NAPEPLD: variants seen among roughly 807,000 people sequenced by gnomAD.
The protein encoded by NAPEPLD is N-acyl phosphatidylethanolamine phospholipase D.
In NAPEPLD, 23 loss-of-function variants were observed where a neutral mutation model predicts 38.1. The observed-to-expected ratio is 0.60, with a 90% confidence interval of 0.43 to 0.86. NAPEPLD has a LOEUF of 0.86. Among genes scored for constraint, NAPEPLD ranks in the 40% least tolerant of loss-of-function variants. The pLI is 0.00. For synonymous variants in NAPEPLD, 147 were observed against 162.0 expected (o/e 0.91, Z 0.71); for missense variants, 411 against 476.8 (o/e 0.86, Z 1.28).
At chr7:103,110,899 A>C (rs1300078657) in intron 4 of NAPEPLD, among the ~76,000 whole-genome samples, 1 of 22,694 alleles carries the variant, frequency 4.4e-5, no homozygotes, top group Non-Finnish European at 3.8e-3. Flanking sequence ...TACAAAAATC[A>C]ATGTATCACA....
chr7:103,142,078 C>G, intron 1 of NAPEPLD: 1 of 581,936 alleles, frequency 1.7e-6, no homozygotes, highest in Non-Finnish European at 3.0e-6. Context: ...TTCTGATATA[C>G]AGGCAGGGTT....
chr7:103,122,611 T>A (rs1186834813), intron 2 of NAPEPLD, among the ~76,000 whole-genome samples: 3 of 152,140 alleles, frequency 2.0e-5, no homozygotes, highest in African/African-American at 7.2e-5. Flanking sequence ...ACAGGTGTAA[T>A]AATTGTACCT....
At chr7:103,106,757 G>A (rs550945985) in intron 4 of NAPEPLD, among the ~76,000 whole-genome samples, 1 of 151,948 alleles carries the variant, frequency 6.6e-6, no homozygotes, top group South Asian at 2.1e-4. Context: ...CCCAGTCAGG[G>A]GCTTATAAAT....
At chr7:103,113,428 G>C (rs940119955) in intron 4 of NAPEPLD, among the ~76,000 whole-genome samples, 2 of 152,070 alleles carry the variant, frequency 1.3e-5, no homozygotes, top group African/African-American at 4.8e-5. Context: ...GGTAATTTTG[G>C]AACACACTGC....
chr7:103,113,897 C>T (rs1805060037), intron 4 of NAPEPLD, among the ~76,000 whole-genome samples: 1 of 151,338 alleles, frequency 6.6e-6, no homozygotes, highest in Admixed American at 6.6e-5. Flanking sequence ...GCTGGGATTA[C>T]AGGTGTGAGC....
At chr7:103,146,611 A>T (rs1406695671) in intron 1 of NAPEPLD, among the ~76,000 whole-genome samples, 1 of 152,142 alleles carries the variant, frequency 6.6e-6, no homozygotes, top group Non-Finnish European at 1.5e-5. Context: ...CAAGATTTTG[A>T]ATTATGCTGA....
At chr7:103,128,452 A>C in intron 2 of NAPEPLD, 31 bp downstream of exon 2, 4 of 1,609,872 alleles carry the variant, frequency 2.5e-6, no homozygotes, top group Non-Finnish European at 3.4e-6. Flanking sequence ...TGAAGAGCAA[A>C]TATAAAGCAC....
At chr7:103,117,875 T>C (rs1805874980) in intron 3 of NAPEPLD, among the ~76,000 whole-genome samples, 1 of 152,194 alleles carries the variant, frequency 6.6e-6, no homozygotes, top group African/African-American at 2.4e-5. Flanking sequence ...ATAAAAGATG[T>C]TCTAATCTAT....
chr7:103,138,622 C>T (rs894165359), intron 1 of NAPEPLD, among the ~76,000 whole-genome samples: 1 of 152,104 alleles, frequency 6.6e-6, no homozygotes, highest in African/African-American at 2.4e-5. Flanking sequence ...GCACGCACCA[C>T]CACACCCAGC....
At chr7:103,123,127 TC>T (rs1445832300) in intron 2 of NAPEPLD, among the ~76,000 whole-genome samples, 2 of 151,984 alleles carry the variant, frequency 1.3e-5, no homozygotes, top group African/African-American at 4.8e-5. Context: ...TAAATTATCT[TC>T]CCCCTTATCC....
chr7:103,146,828 AG>A (rs1028136912), intron 1 of NAPEPLD, among the ~76,000 whole-genome samples: 6 of 152,124 alleles, frequency 3.9e-5, no homozygotes, highest in Non-Finnish European at 7.4e-5. Context: ...TGCTGAGCTA[AG>A]GTTCCTTGGC....
intron 1 of NAPEPLD, among the ~76,000 whole-genome samples, chr7:103,135,643 T>A (rs746109865): frequency 4.6e-5 from 7 of 152,178 alleles, no homozygotes; most frequent in African/African-American, 7.2e-5. Context: ...AGAAGCTTAA[T>A]ATACAGGATC....
chr7:103,149,027 G>A lies in NAPEPLD; in HGVS notation c.-233C>T, dbSNP rs553450969. 2.0e-6 allele frequency: 2 copies of A among 985,394 alleles called. No individual in the cohort carries two copies. Among genetic ancestry groups the A allele is most frequent in the East Asian group, 1.1e-4 (1 of 8,804 alleles). The allele number at this position is 985,394 out of a possible 1,614,324, so 61.0% of individuals were successfully genotyped here. On this transcript the variant is annotated 5_prime_UTR_variant, in exon 1 of 5. Transcript: ENST00000465647. The stretch of plus-strand genomic sequence containing the variant: ...GCATCTCCGAGATGAGGGAGGGCTC[G>A]GGGACGGGAAACCCACTCTCAGCCC...
At chr7:103,149,304 C>T, upstream of NAPEPLD, 4 of 1,080,688 alleles carry the variant, frequency 3.7e-6, no homozygotes, top group Non-Finnish European at 4.5e-6. Context: ...GCCGGGAGCG[C>T]GCGCCGCCTC....
At chr7:103,141,969 G>C in intron 1 of NAPEPLD, 1 of 767,048 alleles carries the variant, frequency 1.3e-6, no homozygotes. Context: ...AAAGGAAAGA[G>C]CTCCCCTGTG....
intron 1 of NAPEPLD, among the ~76,000 whole-genome samples, chr7:103,142,217 C>T (rs1253937081): frequency 6.6e-6 from 1 of 152,196 alleles, no homozygotes; most frequent in Non-Finnish European, 1.5e-5. Flanking sequence ...AAAGCCAACT[C>T]TTACTTCCTG....
At chr7:103,111,672 G>T (rs2129527479) in intron 4 of NAPEPLD, among the ~76,000 whole-genome samples, 1 of 152,242 alleles carries the variant, frequency 6.6e-6, no homozygotes, top group African/African-American at 2.4e-5. Flanking sequence ...AGAAAACCCA[G>T]GCAATACCAT....
intron 1 of NAPEPLD, among the ~76,000 whole-genome samples, chr7:103,144,296 GT>G (rs1253866941): frequency 6.6e-6 from 1 of 151,982 alleles, no homozygotes; most frequent in East Asian, 1.9e-4. Context: ...CTTTTGTTTT[GT>G]TTTTTTGGCT....
chr7:103,149,132 A>T (rs989705182), upstream of NAPEPLD: 2 of 987,304 alleles, frequency 2.0e-6, no homozygotes, highest in Non-Finnish European at 2.4e-6. Flanking sequence ...TGGAGGAGGC[A>T]GCAGAGAGGT....
Sources: allele counts gnomAD v4.1 joint callset (sites outside exome capture counted in the v4.1 genomes callset), GRCh38; gene constraint gnomAD v4.1.1; transcripts MANE v1.5; gene names NCBI Gene and HGNC (gene_info 2026-07-23, HGNC 2026-07-21).